The following UBQLN4 variants were observed in gnomAD, a reference collection of about 807,000 sequenced individuals.
The protein encoded by UBQLN4 is ubiquilin 4, also known as ubiquilin-4.
UBQLN4 carries 11 observed loss-of-function variants against 60.4 expected under a neutral mutation model. The ratio of observed to expected loss-of-function variants is 0.18; its 90% CI spans 0.11 to 0.30. UBQLN4 has a LOEUF of 0.30. Among genes scored for constraint, UBQLN4 ranks in the 10% least tolerant of loss-of-function variants. The pLI, the probability that UBQLN4 is intolerant of heterozygous loss-of-function variation, is 1.00. For synonymous variants in UBQLN4, 258 were observed against 313.1 expected (o/e 0.82, Z 1.86); for missense variants, 417 against 795.5 (o/e 0.52, Z 5.72).
In UBQLN4 at chr1:156,036,883, C is replaced by T. The variant is rs1450339743; in HGVS notation, c.*95G>A. On this transcript the variant is annotated 3_prime_UTR_variant, in exon 11 of 11. Coordinates refer to ENST00000368309, the MANE Select transcript of UBQLN4 (RefSeq NM_020131.5). Reference sequence around the variant, plus strand: ...TGTTTGGAAAGGATGAGGGAGAAGACGGAAGGGAGGACAAGCTGCAGAGGG... The same window carrying T: ...TGTTTGGAAAGGATGAGGGAGAAGATGGAAGGGAGGACAAGCTGCAGAGGG... The T allele has an allele frequency of 1.5e-5, 23 of 1,543,604 alleles. No homozygotes were observed. The highest frequency in any genetic ancestry group is 1.4e-4 in the Admixed American group (7 of 50,716).
intron 7 of UBQLN4, 47 bp downstream of exon 7, chr1:156,042,727 A>C: frequency 6.3e-7 from 1 of 1,598,024 alleles, no homozygotes; most frequent in Middle Eastern, 2.2e-4. Flanking sequence ...CCCCCAACCA[A>C]GAGGAACTCT....
In UBQLN4 at chr1:156,041,524, C is replaced by T. The variant is rs1309183597; in HGVS notation, c.1614G>A (p.Gln538=). 6.2e-7 allele frequency: 1 copy of T among 1,610,832 alleles called. No individual in the cohort carries two copies. Residue 538 remains glutamine, a synonymous_variant, in exon 10 of 11, where the codon CAG becomes CAA. Transcript: ENST00000368309. ...GASSAQQQLM[Q]QMIQLLAGSG... is the part of the protein sequence containing the mutation. Reference sequence around the variant, plus strand: ...TTCCAGCCAAAAGCTGGATCATCTGCTGCATGAGTTGCTGCTGGGCGCTGG... The same window carrying T: ...TTCCAGCCAAAAGCTGGATCATCTGTTGCATGAGTTGCTGCTGGGCGCTGG...
intron 5 of UBQLN4, among the ~76,000 whole-genome samples, chr1:156,045,492 C>T (rs868749201): frequency 6.6e-6 from 1 of 152,248 alleles, no homozygotes; most frequent in Non-Finnish European, 1.5e-5. Context: ...TATTGAGCAC[C>T]TACTATGTGC....
At chr1:156,041,201 G>A (rs1248041529) in intron 10 of UBQLN4, among the ~76,000 whole-genome samples, 1 of 152,154 alleles carries the variant, frequency 6.6e-6, no homozygotes, top group African/African-American at 2.4e-5. Flanking sequence ...TTTCTCATGA[G>A]GCTATTGTGA....
intron 2 of UBQLN4, 87 bp from the exon 3 acceptor site, chr1:156,051,414 A>G: frequency 6.7e-7 from 1 of 1,484,956 alleles, no homozygotes; most frequent in South Asian, 1.2e-5. Context: ...CTATGGGACA[A>G]CTATTTTAAC....
rs79107903 is a variant in UBQLN4, at chr1:156,041,278, C to T, written c.1653+207G>A. Among the ~76,000 whole-genome samples the T allele has an allele frequency of 6.0e-4, 91 of 152,308 alleles. No homozygotes were observed. In the East Asian group the frequency reaches 6.7e-3, roughly 11 times the overall value. ...AGCATTTAGAACAGTATGTAGTGCA[C>T]GGGTAAGTACCATTACTCTTCTCAT... is the stretch of plus-strand genomic sequence containing the variant. On this transcript the variant is annotated intron_variant, in intron 10 of 10. Transcript: ENST00000368309.
downstream of UBQLN4, among the ~76,000 whole-genome samples, chr1:156,032,513 GAAA>G (rs201947466): frequency 5.0e-5 from 6 of 118,996 alleles, no homozygotes; most frequent in Admixed American, 8.5e-5. Context: ...CTCCGTCTCA[GAAA>G]AAAAAAAAAA....
chr1:156,039,456 G>T (rs1025601155), intron 10 of UBQLN4, among the ~76,000 whole-genome samples: 4 of 151,332 alleles, frequency 2.6e-5, no homozygotes, highest in Non-Finnish European at 5.9e-5. Context: ...CTCCACGTTG[G>T]TCAGGCTGGT....
At chr1:156,032,054 C>T (rs1360795559), downstream of UBQLN4, among the ~76,000 whole-genome samples, 1 of 120,038 alleles carries the variant, frequency 8.3e-6, no homozygotes, top group Non-Finnish European at 1.7e-5. Flanking sequence ...TGATTATTTG[C>T]CTTCCAAAAT....
chr1:156,034,339 C>G (rs1683345789), downstream of UBQLN4, among the ~76,000 whole-genome samples: 1 of 149,026 alleles, frequency 6.7e-6, no homozygotes, highest in East Asian at 2.0e-4. Flanking sequence ...CTCTGTCGCC[C>G]CCAGGCTAGA....
At chr1:156,037,513 G>A (rs1252342087) in intron 10 of UBQLN4, among the ~76,000 whole-genome samples, 2 of 152,092 alleles carry the variant, frequency 1.3e-5, no homozygotes, top group Non-Finnish European at 2.9e-5. Flanking sequence ...GGAGAATGGC[G>A]TGAATCCGGG....
rs36120709 is a variant in UBQLN4 at position 156,036,356 on chromosome 1, G to C, written c.*622C>G. The C allele has an allele frequency of 1.0e-6, 1 of 985,498 alleles. No homozygotes were observed. The highest frequency in any genetic ancestry group is 1.2e-6 in the Non-Finnish European group (1 of 830,036). The allele number at this position is 985,498 out of a possible 1,614,324, so 61.0% of individuals were successfully genotyped here. On this transcript the variant is annotated 3_prime_UTR_variant, in exon 11 of 11. Transcript: ENST00000368309. Reference sequence around the variant, plus strand: ...TTTGTTAATTCCTGTCCAGAGAGCTGTCTCATCTCCCTCTTCAGACAGGGA... The same window carrying C: ...TTTGTTAATTCCTGTCCAGAGAGCTCTCTCATCTCCCTCTTCAGACAGGGA...
intron 9 of UBQLN4, 94 bp downstream of exon 9, chr1:156,041,778 A>C: frequency 2.1e-6 from 3 of 1,460,486 alleles, no homozygotes; most frequent in Non-Finnish European, 2.7e-6. Flanking sequence ...ACAGACCCTC[A>C]GAGACACAAA....
chr1:156,031,775 G>C (rs1188208024), downstream of UBQLN4, among the ~76,000 whole-genome samples: 2 of 151,714 alleles, frequency 1.3e-5, no homozygotes, highest in South Asian at 4.2e-4. Flanking sequence ...TAGTAGAGAC[G>C]GGGTTTCGCA....
At position 156,036,625 on chromosome 1, in the gene UBQLN4, G is replaced by A. The variant is rs1683410674; in HGVS notation, c.*353C>T. ...GGTATAGATGGAAGACTATGTTCCA[G>A]TAAACCAGAGAGCTGGTTCCTCCCT... On this transcript the variant is annotated 3_prime_UTR_variant, in exon 11 of 11. Coordinates refer to ENST00000368309, the MANE Select transcript of UBQLN4 (RefSeq NM_020131.5). The A allele has an allele frequency of 1.9e-6, 2 of 1,027,664 alleles. No homozygotes were observed. Among genetic ancestry groups the A allele is most frequent in the South Asian group, 4.1e-5 (1 of 24,582 alleles). The allele number at this position is 1,027,664 out of a possible 1,614,324, so 63.7% of individuals were successfully genotyped here.
intron 10 of UBQLN4, among the ~76,000 whole-genome samples, chr1:156,041,031 C>T (rs1226398855): frequency 6.6e-6 from 1 of 152,142 alleles, no homozygotes; most frequent in African/African-American, 2.4e-5. Context: ...CAAAAGGATC[C>T]TTTGATATAA....
Position 156,050,731 on chromosome 1 carries a change from T to C in UBQLN4, c.479-178A>G, listed in dbSNP as rs529174636. Among the ~76,000 whole-genome samples, 1 of 152,204 alleles carries C rather than the reference T, an allele frequency of 6.6e-6. No individual in the cohort carries two copies. Among genetic ancestry groups the C allele is most frequent in the African/African-American group, 2.4e-5 (1 of 41,444 alleles). ...GCAAAAAAATGTGAGCCTACTAGAC[T>C]GAGGCTGTGCCAAACATAGAACTGA... On this transcript the variant is annotated intron_variant, in intron 3 of 10. Coordinates refer to ENST00000368309, the MANE Select transcript of UBQLN4 (RefSeq NM_020131.5). The surrounding 1 kb of genome is among the most constrained non-coding windows in gnomAD (Gnocchi z 4.6).
Position 156,035,912 on chromosome 1 carries a change from T to G in UBQLN4, c.*1066A>C. 1.0e-6 allele frequency: 1 copy of G among 985,446 alleles called. No homozygotes were observed. The highest frequency in any genetic ancestry group is 1.2e-6 in the Non-Finnish European group (1 of 829,890). The allele number at this position is 985,446 out of a possible 1,614,324, so 61.0% of individuals were successfully genotyped here. A position where few individuals can be genotyped will look rare whatever the true frequency, so the allele number is the denominator to read the frequency against. On this transcript the variant is annotated 3_prime_UTR_variant, in exon 11 of 11. Transcript: ENST00000368309. ...CAACTTAAGAGTGTATGCACACATG[T>G]GGATACACATGCACCTCCCCACTAC...
downstream of UBQLN4, among the ~76,000 whole-genome samples, chr1:156,031,724 G>A (rs1019868236): frequency 4.0e-5 from 6 of 151,890 alleles, no homozygotes; most frequent in African/African-American, 9.7e-5. Flanking sequence ...GACTACCAGC[G>A]CATGCCACCA....
Sources: gnomAD v4.1 joint callset for allele counts (sites outside exome capture counted in the v4.1 genomes callset) on GRCh38, gnomAD v4.1.1 for gene constraint, Gnocchi (gnomAD v3.1) non-coding constraint, MANE v1.5 for transcripts, NCBI Gene and HGNC (gene_info 2026-07-23, HGNC 2026-07-21) for gene names.